WDPCP: variants seen among roughly 807,000 people sequenced by gnomAD.
WDPCP encodes the protein WD repeat-containing and planar cell polarity effector protein fritz homolog.
WDPCP carries 71 observed loss-of-function variants against 93.1 expected under a neutral mutation model. That is an observed-to-expected ratio of 0.76 (90% CI 0.63 to 0.93). The LOEUF (loss-of-function observed/expected upper bound fraction) is 0.93, where lower values mean the gene tolerates loss of function less well. Ranked by LOEUF, WDPCP falls within the 40% of genes least tolerant of loss-of-function variation. The probability of loss-of-function intolerance (pLI) is 0.00; values close to 1 mark genes in which losing one functional copy is unlikely to be tolerated. For synonymous variants in WDPCP, 315 were observed against 315.0 expected (o/e 1.00, Z 0.00); for missense variants, 844 against 887.4 (o/e 0.95, Z 0.62).
At chr2:63,608,433 T>C (rs1364171228) in intron 3 of WDPCP, among the ~76,000 whole-genome samples, 1 of 152,164 alleles carries the variant, frequency 6.6e-6, no homozygotes, top group Non-Finnish European at 1.5e-5. Flanking sequence ...TTTCTATCTT[T>C]TCATCCTCAT....
At chr2:63,637,690 C>T (rs1274790541) in intron 3 of WDPCP, among the ~76,000 whole-genome samples, 2 of 152,150 alleles carry the variant, frequency 1.3e-5, no homozygotes, top group African/African-American at 4.8e-5. Context: ...GGGTACTAAA[C>T]ATCACTAACC....
intron 12 of WDPCP, among the ~76,000 whole-genome samples, chr2:63,354,297 C>A (rs1467547829): frequency 6.6e-6 from 1 of 152,248 alleles, no homozygotes; most frequent in East Asian, 1.9e-4. Context: ...TGGAGAAGAG[C>A]CTCCAGGAGA....
intron 1 of WDPCP, among the ~76,000 whole-genome samples, chr2:63,535,165 G>A (rs371637838): frequency 2.6e-5 from 4 of 152,058 alleles, no homozygotes; most frequent in East Asian, 1.9e-4. Flanking sequence ...GGATGTGAAG[G>A]ACCTCTTCAA....
At chr2:63,531,851 A>G (rs1703878590) in intron 1 of WDPCP, among the ~76,000 whole-genome samples, 1 of 152,234 alleles carries the variant, frequency 6.6e-6, no homozygotes, top group Admixed American at 6.5e-5. Flanking sequence ...AAAGCTGGAC[A>G]GAGAATGACT....
At chr2:63,285,173 A>G (rs1241907525) in intron 13 of WDPCP, among the ~76,000 whole-genome samples, 3 of 152,190 alleles carry the variant, frequency 2.0e-5, no homozygotes, top group East Asian at 1.9e-4. Context: ...GCTCATGCCT[A>G]TAATCCCAGC....
chr2:63,234,952 A>ATTATTACC (rs1679253554), intron 14 of WDPCP, among the ~76,000 whole-genome samples: 1 of 152,176 alleles, frequency 6.6e-6, no homozygotes, highest in African/African-American at 2.4e-5. Flanking sequence ...AACATCATTA[A>ATTATTACC]GCTCTTCTTC....
chr2:63,208,332 G>T (rs927261583), intron 14 of WDPCP, among the ~76,000 whole-genome samples: 2 of 152,142 alleles, frequency 1.3e-5, no homozygotes, highest in East Asian at 3.9e-4. Context: ...GGGGGTGAGT[G>T]TGCCAAGAAA....
chr2:63,455,832 A>T (rs1465261417), intron 6 of WDPCP, among the ~76,000 whole-genome samples: 1 of 152,194 alleles, frequency 6.6e-6, no homozygotes, highest in African/African-American at 2.4e-5. Flanking sequence ...ACCAAACCTA[A>T]CAGACATTTA....
At chr2:63,270,176 T>TA in intron 13 of WDPCP, among the ~76,000 whole-genome samples, 1 of 152,214 alleles carries the variant, frequency 6.6e-6, no homozygotes, top group East Asian at 1.9e-4. Context: ...GTCTTTCTTG[T>TA]ATTAGGTCAC....
At chr2:63,370,482 A>T (rs1036169237) in intron 12 of WDPCP, among the ~76,000 whole-genome samples, 6 of 152,160 alleles carry the variant, frequency 3.9e-5, no homozygotes, top group African/African-American at 1.4e-4. Flanking sequence ...AATGGATCAA[A>T]CTTCTTAGAA....
At chr2:63,630,626 G>A (rs1475481217) in intron 3 of WDPCP, among the ~76,000 whole-genome samples, 1 of 151,914 alleles carries the variant, frequency 6.6e-6, no homozygotes. Context: ...AATATGTGAA[G>A]CAAAAACTGA....
At chr2:63,581,912 G>A (rs1708521627) in intron 1 of WDPCP, among the ~76,000 whole-genome samples, 1 of 151,862 alleles carries the variant, frequency 6.6e-6, no homozygotes, top group South Asian at 2.1e-4. Context: ...GAGAGCTGAG[G>A]ATGGAGGATT....
At chr2:63,124,033 A>T (rs1473055379) in intron 17 of WDPCP, among the ~76,000 whole-genome samples, 2 of 151,384 alleles carry the variant, frequency 1.3e-5, no homozygotes, top group East Asian at 3.9e-4. Context: ...TTTTTGGTTA[A>T]ATTTATATTG....
chr2:63,327,491 CA>C (rs1295592139), intron 12 of WDPCP, among the ~76,000 whole-genome samples: 1 of 152,190 alleles, frequency 6.6e-6, no homozygotes, highest in East Asian at 1.9e-4. Flanking sequence ...CCTTACTCTA[CA>C]ATCCCAAATA....
intron 1 of WDPCP, among the ~76,000 whole-genome samples, chr2:63,535,887 C>A (rs1704238033): frequency 6.6e-6 from 1 of 152,274 alleles, no homozygotes; most frequent in Admixed American, 6.5e-5. Flanking sequence ...TAAAGAGCTT[C>A]TGCACAGCAA....
intron 14 of WDPCP, among the ~76,000 whole-genome samples, chr2:63,254,042 A>C (rs1345266081): frequency 6.6e-6 from 1 of 152,180 alleles, no homozygotes; most frequent in Non-Finnish European, 1.5e-5. Flanking sequence ...ATGGAAAACT[A>C]TACAGCCATA....
chr2:63,328,210 T>TCTCTGTAAAATGGACCAATCAGCA (rs141091334), intron 12 of WDPCP, among the ~76,000 whole-genome samples: 115,875 of 145,538 alleles, frequency 0.8, 47,113 homozygotes, highest in East Asian at 0.96. Context: ...ACCCGTCAGC[T>TCTCTGTAAAATGGACCAATCAGCA]CTCTGTAAAA....
intron 1 of WDPCP, among the ~76,000 whole-genome samples, chr2:63,575,077 C>T (rs1707817659): frequency 6.6e-6 from 1 of 151,838 alleles, no homozygotes; most frequent in African/African-American, 2.4e-5. Flanking sequence ...AGAAAGACAA[C>T]ATACATATCT....
chr2:63,556,953 T>C (rs1359881947), intron 1 of WDPCP, among the ~76,000 whole-genome samples: 1 of 152,162 alleles, frequency 6.6e-6, no homozygotes, highest in Non-Finnish European at 1.5e-5. Flanking sequence ...AAATCCTTTT[T>C]GGATAAGCAA....
Sources: gnomAD v4.1 joint callset for allele counts (sites outside exome capture counted in the v4.1 genomes callset) on GRCh38, gnomAD v4.1.1 for gene constraint, MANE v1.5 for transcripts, NCBI Gene and HGNC (gene_info 2026-07-23, HGNC 2026-07-21) for gene names.